Variants in AKR1D1 observed in about 807,000 individuals in gnomAD.
AKR1D1 encodes delta(4)-3-ketosteroid 5-beta-reductase.
In AKR1D1, 32 loss-of-function variants were observed where a neutral mutation model predicts 42.6. The ratio of observed to expected loss-of-function variants is 0.75; its 90% confidence interval spans 0.57 to 1.01. AKR1D1 has a LOEUF of 1.01. Among genes scored for constraint, AKR1D1 ranks in the 50% least tolerant of loss-of-function variants. AKR1D1 has a pLI of 0.00. For missense variants in AKR1D1, 364 were observed against 402.2 expected, an observed-to-expected ratio of 0.91 and a Z score of 0.81; for synonymous variants, 123 against 135.5, an observed-to-expected ratio of 0.91 and a Z score of 0.64.
intron 2 of AKR1D1, among the ~76,000 whole-genome samples, chr7:138,089,098 C>T (rs190433494): frequency 7.9e-5 from 12 of 152,040 alleles, no homozygotes; most frequent in South Asian, 4.2e-4. Context: ...GCCTCTAATC[C>T]GCACTTCGGG....
chr7:138,107,563 A>T lies in AKR1D1; in HGVS notation c.838A>T (p.Ile280Phe), dbSNP rs2117464625. 2 of 1,613,878 alleles carry T rather than the reference A, an allele frequency of 1.2e-6. No individual in the cohort carries two copies. The highest frequency in any genetic ancestry group is 2.2e-5 in the East Asian group (1 of 44,866). Residue 280 changes from isoleucine (I) to phenylalanine (F), a missense_variant, in exon 7 of 9, where the codon ATC becomes TTC. By Grantham distance (21) the Ile-to-Phe change is conservative. Coordinates refer to ENST00000242375, the MANE Select transcript of AKR1D1 (RefSeq NM_005989.4). ...VIPKSFNLER[I>F]KENFQIFDFS... ...TCCTAAAAGCTTTAATCTTGAAAGG[A>T]TCAAAGAAAATTTTCAGGTAAGAGA...
chr7:138,113,205 A>G (rs1402870637), intron 7 of AKR1D1, among the ~76,000 whole-genome samples: 1 of 152,048 alleles, frequency 6.6e-6, no homozygotes, highest in Non-Finnish European at 1.5e-5. Flanking sequence ...AGTCCCAGCT[A>G]CTTGGGAAAC....
At position 138,117,212 on chromosome 7, in the gene AKR1D1, G is replaced by A. The variant is rs1794651778; in HGVS notation, c.*550G>A. 6.5e-6 allele frequency: 1 copy of A among 153,278 alleles called. No homozygotes were observed. Among genetic ancestry groups the A allele is most frequent in the Non-Finnish European group, 1.5e-5 (1 of 68,542 alleles). The allele number at this position is 153,278 out of a possible 1,614,324, so 9.5% of individuals were successfully genotyped here. ...TTAAAATAGAGCTAAACACCACAGT[G>A]GTCAACAAAGCCATCATAATGTTGG... On this transcript the variant is annotated 3_prime_UTR_variant, in exon 9 of 9. Coordinates refer to ENST00000242375, the MANE Select transcript of AKR1D1 (RefSeq NM_005989.4).
At chr7:138,087,507 C>A (rs1417858039) in intron 1 of AKR1D1, among the ~76,000 whole-genome samples, 1 of 152,128 alleles carries the variant, frequency 6.6e-6, no homozygotes, top group African/African-American at 2.4e-5. Flanking sequence ...ATAAAATGTT[C>A]CTCAACAATA....
At chr7:138,087,958 A>T (rs1038080352) in intron 1 of AKR1D1, among the ~76,000 whole-genome samples, 2 of 149,264 alleles carry the variant, frequency 1.3e-5, no homozygotes, top group Admixed American at 1.3e-4. Context: ...TGGCATGATC[A>T]TGACTCACTG....
intron 1 of AKR1D1, among the ~76,000 whole-genome samples, chr7:138,087,302 C>G (rs1793949327): frequency 9.1e-6 from 1 of 109,788 alleles, no homozygotes; most frequent in African/African-American, 3.0e-5. Flanking sequence ...CCATTAGGCC[C>G]TACCTCCCAA....
intron 4 of AKR1D1, among the ~76,000 whole-genome samples, chr7:138,103,699 A>G (rs956321427): frequency 1.3e-5 from 2 of 152,184 alleles, no homozygotes; most frequent in African/African-American, 4.8e-5. Flanking sequence ...CATATAACAC[A>G]GACTTAAAAA....
At chr7:138,098,558 C>T (rs1794228609) in intron 4 of AKR1D1, among the ~76,000 whole-genome samples, 2 of 152,028 alleles carry the variant, frequency 1.3e-5, no homozygotes, top group South Asian at 2.1e-4. Context: ...TGCAGTGAGC[C>T]GAGATCATGC....
In AKR1D1 at chr7:138,117,920, G is replaced by A. The variant is rs1446551565; in HGVS notation, c.*1258G>A. 1 of 152,216 alleles carries A rather than the reference G, an allele frequency of 6.6e-6. No homozygotes were observed. The highest frequency in any genetic ancestry group is 1.5e-5 in the Non-Finnish European group (1 of 68,090). 9.4% of individuals were successfully genotyped at this position (152,216 alleles called of 1,614,324 possible). Reference sequence around the variant, plus strand: ...TGTAATCCCAGCTACTCAGGAGGCTGAGGCAGAAGAATGGCATGAACCCGG... The same window carrying A: ...TGTAATCCCAGCTACTCAGGAGGCTAAGGCAGAAGAATGGCATGAACCCGG... On this transcript the variant is annotated 3_prime_UTR_variant, in exon 9 of 9. Coordinates refer to ENST00000242375, the MANE Select transcript of AKR1D1 (RefSeq NM_005989.4).
In AKR1D1 at chr7:138,116,712, G is replaced by T. The variant is rs781573316; in HGVS notation, c.*50G>T. 73 of 1,514,912 alleles carry T rather than the reference G, an allele frequency of 4.8e-5. No homozygotes were observed. Among genetic ancestry groups the T allele is most frequent in the Admixed American group, 1.0e-4 (6 of 59,872 alleles). The allele number at this position is 1,514,912 out of a possible 1,614,324, so 93.8% of individuals were successfully genotyped here. ...TTTCACTCCCACGAGTGCCAAGACG[G>T]TGCAATGGGTAGTCCCCTAGATGTG... is the stretch of plus-strand genomic sequence containing the variant. On this transcript the variant is annotated 3_prime_UTR_variant, in exon 9 of 9. Transcript: ENST00000242375.
intron 1 of AKR1D1, among the ~76,000 whole-genome samples, chr7:138,083,069 T>C (rs1369009433): frequency 2.0e-5 from 3 of 152,356 alleles, no homozygotes; most frequent in Middle Eastern, 3.4e-3. Flanking sequence ...TTAATTGTTT[T>C]TCTTGACCAA....
At chr7:138,088,489 G>A in intron 1 of AKR1D1, 112 bp from the exon 2 acceptor site, 1 of 1,268,172 alleles carries the variant, frequency 7.9e-7, no homozygotes, top group Non-Finnish European at 1.1e-6. Context: ...AAGGAATTGG[G>A]AATGTGTCAT....
At chr7:138,112,839 T>C (rs917950731) in intron 7 of AKR1D1, among the ~76,000 whole-genome samples, 2 of 151,522 alleles carry the variant, frequency 1.3e-5, no homozygotes, top group Admixed American at 1.3e-4. Flanking sequence ...AAAAAATATA[T>C]ATAAATGTTA....
In AKR1D1 at chr7:138,094,187, G is replaced by A. The variant is rs571086442; in HGVS notation, c.378+2303G>A. On this transcript the variant is annotated intron_variant, in intron 3 of 8. Coordinates refer to ENST00000242375, the MANE Select transcript of AKR1D1 (RefSeq NM_005989.4). ...AAATCAATATTTGAAGCTTAAGTAC[G>A]ACATGTTTTTTGGTGTTTGTTTGTT... Among the ~76,000 whole-genome samples, 43 of 152,248 alleles carry A rather than the reference G, an allele frequency of 2.8e-4. No homozygotes were observed. The East Asian group carries it at 5.4e-3, about 19-fold the overall frequency.
At chr7:138,093,155 G>A (rs1225057965) in intron 3 of AKR1D1, among the ~76,000 whole-genome samples, 5 of 148,102 alleles carry the variant, frequency 3.4e-5, no homozygotes, top group African/African-American at 5.0e-5. Context: ...TGCAACTTCC[G>A]CCTCCCGGGT....
At chr7:138,108,099 C>T (rs1429076809) in intron 7 of AKR1D1, among the ~76,000 whole-genome samples, 1 of 152,158 alleles carries the variant, frequency 6.6e-6, no homozygotes, top group East Asian at 1.9e-4. Flanking sequence ...TTCTTAATGG[C>T]TCTGGTAAAA....
intron 4 of AKR1D1, among the ~76,000 whole-genome samples, chr7:138,104,346 CAG>C (rs891970547): frequency 1.3e-5 from 2 of 151,942 alleles, no homozygotes; most frequent in Admixed American, 6.6e-5. Flanking sequence ...AGAGGAGAGA[CAG>C]AGTGTTACAT....
Position 138,076,553 on chromosome 7 carries a change from T to C in AKR1D1, c.35T>C (p.Leu12Pro), listed in dbSNP as rs926576419. 6.2e-7 allele frequency: 1 copy of C among 1,613,610 alleles called. No homozygotes were observed. The change falls in exon 1 of 9, where the codon CTA becomes CCA. Residue 12 changes from leucine to proline, a missense_variant. Transcript: ENST00000242375. Reference sequence around the variant, plus strand: ...AGTGCTGCAAGTCACCGCATACCTCTAAGTGATGGAAACAGCATTCCCATC... The same window carrying C: ...AGTGCTGCAAGTCACCGCATACCTCCAAGTGATGGAAACAGCATTCCCATC... ...DLSAASHRIP[L>P]SDGNSIPIIG...
chr7:138,100,088 C>CAAAAAAAAAAAAAAAAAAAAAAA lies in AKR1D1; in HGVS notation c.456+2153_456+2175dup, dbSNP rs59361346. 4.1e-4 allele frequency among the ~76,000 whole-genome samples: 18 copies of CAAAAAAAAAAAAAAAAAAAAAAA among 43,568 alleles called. 1 individual carries two copies. Among genetic ancestry groups the CAAAAAAAAAAAAAAAAAAAAAAA allele is most frequent in the African/African-American group, 4.9e-4 (5 of 10,300 alleles). 28.6% of individuals were successfully genotyped at this position (43,568 alleles called of 152,430 possible). A position where few individuals can be genotyped will look rare whatever the true frequency, so the allele number is the denominator to read the frequency against. On this transcript the variant is annotated intron_variant, in intron 4 of 8. Coordinates refer to ENST00000242375, the MANE Select transcript of AKR1D1 (RefSeq NM_005989.4). ...TGGGCAATATAGCGAGATTTCATCT[C>CAAAAAAAAAAAAAAAAAAAAAAA]AAAAAAAAAAAAAAAAAAAAAAAAA...
Sources: allele counts gnomAD v4.1 joint callset (sites outside exome capture counted in the v4.1 genomes callset), GRCh38; gene constraint gnomAD v4.1.1; transcripts MANE v1.5; gene names NCBI Gene and HGNC (gene_info 2026-07-23, HGNC 2026-07-21).